Variants in CACNA1D observed in about 807,000 individuals in gnomAD.
CACNA1D encodes calcium voltage-gated channel subunit alpha1 D.
A neutral mutation model predicts 257.1 loss-of-function variants in CACNA1D; 55 were observed. The observed-to-expected ratio is 0.21, with a 90% CI of 0.17 to 0.27. The LOEUF (loss-of-function observed/expected upper bound fraction) is 0.27. Ranked by LOEUF, CACNA1D falls within the 10% of genes least tolerant of loss-of-function variation. The pLI, the probability that CACNA1D is intolerant of heterozygous loss-of-function variation, is 1.00. For synonymous variants in CACNA1D, 980 were observed against 1,014.9 expected, an observed-to-expected ratio of 0.97 and a Z score of 0.65; for missense variants, 1,876 against 2,784.0, an observed-to-expected ratio of 0.67 and a Z score of 7.34.
chr3:53,603,341 T>G (rs2107894423), intron 3 of CACNA1D, among the ~76,000 whole-genome samples: 1 of 152,334 alleles, frequency 6.6e-6, no homozygotes, highest in South Asian at 2.1e-4. Flanking sequence ...GGGGTTTGAA[T>G]CGCACCTCGG....
chr3:53,692,143 T>G (rs2094534743), intron 8 of CACNA1D, among the ~76,000 whole-genome samples: 1 of 151,126 alleles, frequency 6.6e-6, no homozygotes, highest in Non-Finnish European at 1.5e-5. Flanking sequence ...GAGCAACTAC[T>G]AATGGCCGGG....
chr3:53,660,703 G>A (rs901300254), intron 5 of CACNA1D, among the ~76,000 whole-genome samples: 1 of 152,010 alleles, frequency 6.6e-6, no homozygotes. Flanking sequence ...TCCCCAAATG[G>A]GGAGCATCAG....
At chr3:53,798,308 C>CGTGTGT (rs10581353) in intron 40 of CACNA1D, among the ~76,000 whole-genome samples, 1 of 148,668 alleles carries the variant, frequency 6.7e-6, no homozygotes, top group African/African-American at 2.5e-5. Flanking sequence ...TGTATGTGTG[C>CGTGTGT]GTGTGTGTGT....
chr3:53,670,965 C>G (rs1484756673), intron 7 of CACNA1D, among the ~76,000 whole-genome samples: 1 of 152,176 alleles, frequency 6.6e-6, no homozygotes, highest in Non-Finnish European at 1.5e-5. Flanking sequence ...AGACCGTTCT[C>G]AGAGCCGAAG....
intron 29 of CACNA1D, 24 bp from the exon 30 acceptor site, chr3:53,761,974 T>C (rs1477319268): frequency 1.5e-5 from 23 of 1,548,784 alleles, no homozygotes; most frequent in Non-Finnish European, 2.1e-5. Context: ...CTCATAAACA[T>C]CTGCCCTCGC....
In CACNA1D at chr3:53,813,633, T is replaced by G. The variant is rs1320051208; in HGVS notation, c.*2227T>G. ...GATGATCTTTTCCAAAGTCAGTACT[T>G]ACAAACTGGCATTCTTACAGGCTGC... On this transcript the variant is annotated 3_prime_UTR_variant, in exon 48 of 48. Transcript: ENST00000350061. 1.3e-5 allele frequency: 2 copies of G among 152,230 alleles called. No homozygotes were observed. The highest frequency in any genetic ancestry group is 2.9e-5 in the Non-Finnish European group (2 of 68,040). The allele number at this position is 152,230 out of a possible 1,614,324, so 9.4% of individuals were successfully genotyped here.
intron 5 of CACNA1D, among the ~76,000 whole-genome samples, chr3:53,664,119 GAC>G (rs2108353236): frequency 6.6e-6 from 1 of 152,142 alleles, no homozygotes; most frequent in South Asian, 2.1e-4. Flanking sequence ...TCAGCTTCAG[GAC>G]ACGTCTACCT....
intron 20 of CACNA1D, among the ~76,000 whole-genome samples, chr3:53,739,499 C>T (rs997876727): frequency 6.6e-6 from 1 of 152,166 alleles, no homozygotes; most frequent in African/African-American, 2.4e-5. Context: ...CCAGAAAGGG[C>T]TAGCAGGACT....
chr3:53,737,200 T>A (rs768065428), intron 20 of CACNA1D, among the ~76,000 whole-genome samples: 5 of 151,986 alleles, frequency 3.3e-5, no homozygotes, highest in African/African-American at 7.3e-5. Context: ...CTCGGGAGGC[T>A]GAGGTATGAG....
Position 53,673,579 on chromosome 3 carries a change from G to A in CACNA1D, c.1220+453G>A. The stretch of plus-strand genomic sequence containing the variant: ...TATTTGCAGAAAAAAAAAAAAAAAG[G>A]GAAGGACCTAGGCCCAGTCCCTGTC... On this transcript the variant is annotated intron_variant, in intron 8 of 47. Coordinates refer to ENST00000350061, the MANE Select transcript of CACNA1D (RefSeq NM_001128840.3). The surrounding 1 kb of genome is among the most constrained non-coding windows in gnomAD (Gnocchi z 4.1). 1 of 685,726 alleles carries A rather than the reference G, an allele frequency of 1.5e-6. No individual in the cohort carries two copies. The allele number at this position is 685,726 out of a possible 1,614,324, so 42.5% of individuals were successfully genotyped here. A position where few individuals can be genotyped will look rare whatever the true frequency, so the allele number is the denominator to read the frequency against.
At chr3:53,760,440 A>T (rs1317724555) in intron 29 of CACNA1D, among the ~76,000 whole-genome samples, 1 of 152,214 alleles carries the variant, frequency 6.6e-6, no homozygotes, top group Non-Finnish European at 1.5e-5. Flanking sequence ...CCCGTTGTAA[A>T]CAGGCTGGGC....
chr3:53,770,355 G>T, intron 31 of CACNA1D, 69 bp from the exon 32 acceptor site: 1 of 1,440,472 alleles, frequency 6.9e-7, no homozygotes, highest in South Asian at 1.1e-5. Flanking sequence ...TGCATCTGTT[G>T]CTGTTTTTCT....
intron 3 of CACNA1D, among the ~76,000 whole-genome samples, chr3:53,574,817 C>A (rs1006529904): frequency 1.3e-5 from 2 of 152,214 alleles, no homozygotes. Flanking sequence ...TACATGGGAG[C>A]AGCCAGAGAG....
In CACNA1D at chr3:53,713,543, T is replaced by TGTGTGTGTGA. The variant is rs377132134; in HGVS notation, c.1391-4757_1391-4756insTGTGTGTGAG. 5.9e-3 allele frequency among the ~76,000 whole-genome samples: 714 copies of TGTGTGTGTGA among 120,984 alleles called. 9 individuals are homozygous for TGTGTGTGTGA. The highest frequency in any genetic ancestry group is 0.018 in the African/African-American group (593 of 33,014). The allele number at this position is 120,984 out of a possible 152,430, so 79.4% of individuals were successfully genotyped here. A position where few individuals can be genotyped will look rare whatever the true frequency, so the allele number is the denominator to read the frequency against. On this transcript the variant is annotated intron_variant, in intron 9 of 47. Coordinates refer to ENST00000350061, the MANE Select transcript of CACNA1D (RefSeq NM_001128840.3). ...GTGTGTGTGTGTGTGTGTGTGTGTG[T>TGTGTGTGTGA]GAGAGATTTGCCTCCAAATTCACAA...
intron 3 of CACNA1D, among the ~76,000 whole-genome samples, chr3:53,619,504 G>A (rs989009959): frequency 6.6e-6 from 1 of 152,192 alleles, no homozygotes; most frequent in Non-Finnish European, 1.5e-5. Flanking sequence ...TGGTGCTGAT[G>A]GGTTTGTCCT....
intron 3 of CACNA1D, among the ~76,000 whole-genome samples, chr3:53,568,842 C>T (rs1009157217): frequency 6.6e-6 from 1 of 152,160 alleles, no homozygotes; most frequent in South Asian, 2.1e-4. Context: ...CCTATTCCTC[C>T]TCTCATATTC....
intron 3 of CACNA1D, among the ~76,000 whole-genome samples, chr3:53,613,003 G>T (rs1175075442): frequency 6.6e-6 from 1 of 152,064 alleles, no homozygotes; most frequent in East Asian, 1.9e-4. Flanking sequence ...TAAACAGGCC[G>T]AAAAATGCAG....
At chr3:53,505,115 G>GTTTTTTTTTTTTTTTTTT (rs35938386) in intron 3 of CACNA1D, among the ~76,000 whole-genome samples, 3 of 97,618 alleles carry the variant, frequency 3.1e-5, no homozygotes, top group Admixed American at 1.3e-4. Flanking sequence ...TTGTTTATTT[G>GTTTTTTTTTTTTTTTTTT]TTTTTTTTTT....
intron 3 of CACNA1D, among the ~76,000 whole-genome samples, chr3:53,508,237 C>A (rs957287774): frequency 1.1e-4 from 16 of 152,058 alleles, no homozygotes; most frequent in Admixed American, 1.0e-3. Flanking sequence ...TGGTTTGCCG[C>A]ACCTATCAAC....
Sources: gnomAD v4.1 joint callset for allele counts (sites outside exome capture counted in the v4.1 genomes callset) on GRCh38, gnomAD v4.1.1 for gene constraint, Gnocchi (gnomAD v3.1) non-coding constraint, MANE v1.5 for transcripts, NCBI Gene and HGNC (gene_info 2026-07-23, HGNC 2026-07-21) for gene names.